CMC1: variants seen among roughly 807,000 people sequenced by gnomAD.
The protein encoded by CMC1 is C-X9-C motif containing 1.
In CMC1, 14 loss-of-function variants were observed where a neutral mutation model predicts 14.1. That is an observed-to-expected ratio of 0.99 (90% CI 0.66 to 1.55). The LOEUF (loss-of-function observed/expected upper bound fraction) is 1.55. Among genes scored for constraint, CMC1 ranks in the 40% most tolerant of loss-of-function variants. CMC1 has a pLI of 0.00. For synonymous variants in CMC1, 50 were observed against 38.4 expected, an observed-to-expected ratio of 1.30 and a Z score of -1.12; for missense variants, 127 against 123.8, an observed-to-expected ratio of 1.03 and a Z score of -0.12.
chr3:28,250,311 G>A (rs1699070007), intron 1 of CMC1, among the ~76,000 whole-genome samples: 2 of 152,152 alleles, frequency 1.3e-5, no homozygotes, highest in Admixed American at 6.6e-5. Flanking sequence ...AGTGCTGGAG[G>A]TCAGGAAGAA....
intron 1 of CMC1, among the ~76,000 whole-genome samples, chr3:28,250,513 A>C (rs1168858910): frequency 6.6e-6 from 1 of 152,150 alleles, no homozygotes; most frequent in East Asian, 1.9e-4. Flanking sequence ...CTTCTAAATG[A>C]GATGATGTTT....
intron 2 of CMC1, among the ~76,000 whole-genome samples, chr3:28,299,703 C>T (rs1360137484): frequency 2.0e-5 from 3 of 151,688 alleles, no homozygotes; most frequent in Non-Finnish European, 4.4e-5. Context: ...GTGATTAAAC[C>T]TCTGCTTTTC....
intron 2 of CMC1, among the ~76,000 whole-genome samples, chr3:28,290,494 T>C (rs912016491): frequency 6.6e-5 from 10 of 152,088 alleles, no homozygotes; most frequent in Non-Finnish European, 1.3e-4. Context: ...CTGATTTTCA[T>C]CCCCACCCCA....
At chr3:28,291,435 T>C (rs1330511563) in intron 2 of CMC1, among the ~76,000 whole-genome samples, 1 of 152,210 alleles carries the variant, frequency 6.6e-6, no homozygotes, top group Non-Finnish European at 1.5e-5. Context: ...GAATTTTAGC[T>C]GTGTCTATGC....
intron 2 of CMC1, among the ~76,000 whole-genome samples, chr3:28,282,926 A>G (rs1186926316): frequency 2.0e-5 from 3 of 152,172 alleles, no homozygotes; most frequent in Non-Finnish European, 4.4e-5. Context: ...ATCCGATTTG[A>G]CTTGACTAGA....
intron 3 of CMC1, chr3:28,318,439 A>T (rs774088756): frequency 2.3e-4 from 34 of 150,446 alleles, no homozygotes; most frequent in Non-Finnish European, 4.8e-4. Context: ...GTACTTCTCC[A>T]TGTTTTTAAT....
intron 2 of CMC1, among the ~76,000 whole-genome samples, chr3:28,288,101 A>G (rs1043982634): frequency 2.6e-4 from 40 of 152,222 alleles, no homozygotes; most frequent in African/African-American, 9.4e-4. Context: ...AAAAAAAATT[A>G]TTGAACAGCT....
In CMC1 at chr3:28,323,281, CCTT is replaced by C. The variant is rs1703247557; in HGVS notation, c.*3655_*3657del. 6.6e-6 allele frequency: 1 copy of C among 151,236 alleles called. No homozygotes were observed. 9.4% of individuals were successfully genotyped at this position (151,236 alleles called of 1,614,324 possible). On this transcript the variant is annotated 3_prime_UTR_variant, in exon 4 of 4. Transcript: ENST00000466830. Reference sequence around the variant, plus strand: ...ATTAGACTGAAATCTGTGTGATGCTCCTTCTACTACTTATTGAATAGTGTGTAG... The same window carrying C: ...ATTAGACTGAAATCTGTGTGATGCTCCTACTACTTATTGAATAGTGTGTAG...
intron 1 of CMC1, among the ~76,000 whole-genome samples, chr3:28,245,474 T>G (rs1232709091): frequency 1.3e-5 from 2 of 152,218 alleles, no homozygotes; most frequent in African/African-American, 4.8e-5. Flanking sequence ...CCTTTTTAGT[T>G]AGGTTCTCTT....
At chr3:28,263,682 C>T (rs62252065) in intron 2 of CMC1, among the ~76,000 whole-genome samples, 1,548 of 152,068 alleles carry the variant, frequency 0.01, 10 homozygotes, top group Non-Finnish European at 0.017. Context: ...GTTACTCTTA[C>T]GATTTTTATA....
intron 2 of CMC1, among the ~76,000 whole-genome samples, chr3:28,288,166 G>A (rs1029832075): frequency 9.2e-5 from 14 of 151,660 alleles, no homozygotes; most frequent in African/African-American, 3.1e-4. Context: ...CGTTAATACT[G>A]GTAGTTTCCT....
At chr3:28,317,354 A>G (rs1316809212) in intron 3 of CMC1, 5 of 152,006 alleles carry the variant, frequency 3.3e-5, no homozygotes, top group African/African-American at 1.2e-4. Flanking sequence ...TTCTTAAGTT[A>G]ATAATATCAA....
chr3:28,309,941 CCA>C (rs57007112), intron 2 of CMC1, among the ~76,000 whole-genome samples: 14,149 of 132,246 alleles, frequency 0.11, 828 homozygotes, highest in Middle Eastern at 0.18. Flanking sequence ...CTGACGTCCA[CCA>C]CACACACACA....
intron 2 of CMC1, among the ~76,000 whole-genome samples, chr3:28,289,948 A>C (rs1701385580): frequency 6.6e-6 from 1 of 152,148 alleles, no homozygotes; most frequent in African/African-American, 2.4e-5. Context: ...TATAAAACAA[A>C]AGATTTGCTA....
intron 2 of CMC1, among the ~76,000 whole-genome samples, chr3:28,290,912 A>G (rs1296683694): frequency 6.6e-6 from 1 of 151,968 alleles, no homozygotes; most frequent in Admixed American, 6.6e-5. Flanking sequence ...GTTTCTCACA[A>G]GGCTGCAATT....
intron 2 of CMC1, among the ~76,000 whole-genome samples, chr3:28,271,316 T>C (rs150167245): frequency 6.6e-6 from 1 of 152,250 alleles, no homozygotes; most frequent in African/African-American, 2.4e-5. Context: ...ACCAGGCTGG[T>C]CTAGAACTTC....
At chr3:28,258,614 ATT>A (rs61323375) in intron 1 of CMC1, among the ~76,000 whole-genome samples, 4 of 99,128 alleles carry the variant, frequency 4.0e-5, no homozygotes, top group Admixed American at 1.1e-4. Context: ...GTATTTCTGG[ATT>A]TTTTTTTTTT....
At chr3:28,259,917 G>T (rs779546209) in intron 1 of CMC1, among the ~76,000 whole-genome samples, 1 of 152,026 alleles carries the variant, frequency 6.6e-6, no homozygotes, top group Non-Finnish European at 1.5e-5. Context: ...TAGGGAAAGC[G>T]TTCAGAGTTT....
chr3:28,251,012 T>G (rs777895038), intron 1 of CMC1, among the ~76,000 whole-genome samples: 2 of 152,166 alleles, frequency 1.3e-5, no homozygotes, highest in African/African-American at 2.4e-5. Flanking sequence ...CCAGAGACAG[T>G]CTGGTGAAGG....
Sources: allele counts gnomAD v4.1 joint callset (sites outside exome capture counted in the v4.1 genomes callset), GRCh38; gene constraint gnomAD v4.1.1; transcripts MANE v1.5; gene names NCBI Gene and HGNC (gene_info 2026-07-23, HGNC 2026-07-21).